MICU3: variants seen among roughly 807,000 people sequenced by gnomAD.
MICU3 encodes the protein calcium uptake protein 3, mitochondrial.
MICU3 carries 62 observed loss-of-function variants against 66.5 expected under a neutral mutation model. That is an observed-to-expected ratio of 0.93 (90% CI 0.76 to 1.15). The LOEUF (loss-of-function observed/expected upper bound fraction) is 1.15, where lower values mean the gene tolerates loss of function less well. Ranked by LOEUF, MICU3 falls within the 50% of genes most tolerant of loss-of-function variation. The pLI, the probability that MICU3 is intolerant of heterozygous loss-of-function variation, is 0.00. For missense variants in MICU3, 779 were observed against 664.4 expected, an observed-to-expected ratio of 1.17 and a Z score of -1.90; for synonymous variants, 308 against 240.7, an observed-to-expected ratio of 1.28 and a Z score of -2.59.
intron 8 of MICU3, among the ~76,000 whole-genome samples, chr8:17,096,430 C>T (rs1305740677): frequency 1.3e-5 from 2 of 151,804 alleles, no homozygotes; most frequent in African/African-American, 4.8e-5. Context: ...GTGCTCTTAA[C>T]TTCATCGTTC....
intron 1 of MICU3, among the ~76,000 whole-genome samples, chr8:17,054,883 C>T (rs946063828): frequency 5.3e-5 from 8 of 151,726 alleles, no homozygotes; most frequent in East Asian, 2.0e-4. Flanking sequence ...GGATTACAGG[C>T]GCCCGCCACC....
At chr8:17,137,765 G>A in the MICU3 span, among the ~76,000 whole-genome samples, 2 of 142,902 alleles carry the variant, frequency 1.4e-5, no homozygotes, top group Non-Finnish European at 3.0e-5. Context: ...TCGCCAGGCT[G>A]GAATGCAGTG....
At chr8:17,102,758 T>C (rs895336653) in intron 9 of MICU3, 4 of 151,892 alleles carry the variant, frequency 2.6e-5, no homozygotes, top group African/African-American at 7.2e-5. Context: ...CCTGGCTGTA[T>C]TTTTTTTCCT....
chr8:17,075,675 T>C (rs1820280379), intron 3 of MICU3, among the ~76,000 whole-genome samples: 1 of 152,212 alleles, frequency 6.6e-6, no homozygotes, highest in Non-Finnish European at 1.5e-5. Flanking sequence ...AACTAGATTA[T>C]TACTAAAATA....
At chr8:17,105,240 A>G (rs1256749602) in intron 10 of MICU3, among the ~76,000 whole-genome samples, 173 bp from the exon 11 acceptor site, 1 of 151,940 alleles carries the variant, frequency 6.6e-6, no homozygotes, top group Non-Finnish European at 1.5e-5. Context: ...TTAAGTAGTA[A>G]AGCGATCGTG....
chr8:17,109,555 G>T (rs1004010172), intron 11 of MICU3, among the ~76,000 whole-genome samples: 2 of 152,090 alleles, frequency 1.3e-5, no homozygotes, highest in East Asian at 3.9e-4. Flanking sequence ...TACTAAGTGT[G>T]AAAAGGGCAT....
Position 17,027,273 on chromosome 8 carries a change from C to G in MICU3, c.-7C>G, listed in dbSNP as rs1469216654. On this transcript the variant is annotated 5_prime_UTR_variant, in exon 1 of 15. Coordinates refer to ENST00000318063, the MANE Select transcript of MICU3 (RefSeq NM_181723.3). Reference sequence around the variant, plus strand: ...CCCTCCCAGCTCTGGTGTGGGCGGCCTCCGCTATGGCTGCGCTGCGAAGGC... The same window carrying G: ...CCCTCCCAGCTCTGGTGTGGGCGGCGTCCGCTATGGCTGCGCTGCGAAGGC... 2 of 1,189,124 alleles carry G rather than the reference C, an allele frequency of 1.7e-6. No homozygotes were observed. Among genetic ancestry groups the G allele is most frequent in the Non-Finnish European group, 2.1e-6 (2 of 948,524 alleles). The allele number at this position is 1,189,124 out of a possible 1,614,324, so 73.7% of individuals were successfully genotyped here.
At chr8:17,106,736 T>C (rs1306363912) in intron 11 of MICU3, among the ~76,000 whole-genome samples, 1 of 151,506 alleles carries the variant, frequency 6.6e-6, no homozygotes, top group Non-Finnish European at 1.5e-5. Flanking sequence ...TCTCATTGAT[T>C]TTTTTTTTCT....
At chr8:17,126,143 G>A (rs1803400596), downstream of MICU3, among the ~76,000 whole-genome samples, 1 of 149,904 alleles carries the variant, frequency 6.7e-6, no homozygotes, top group Non-Finnish European at 1.5e-5. Context: ...GGAGGAGCCT[G>A]TAATGTAAAT....
chr8:17,108,415 G>A (rs139773163), intron 11 of MICU3, among the ~76,000 whole-genome samples: 368 of 152,252 alleles, frequency 2.4e-3, no homozygotes, highest in African/African-American at 8.5e-3. Flanking sequence ...TGAAGATCCA[G>A]TAGATGTCTT....
intron 11 of MICU3, among the ~76,000 whole-genome samples, chr8:17,110,748 G>C (rs900490182): frequency 2.0e-5 from 3 of 151,344 alleles, no homozygotes; most frequent in Non-Finnish European, 4.4e-5. Context: ...GGGAGGGGGG[G>C]GTAGAGACAG....
At chr8:17,113,221 C>A (rs778412451) in intron 11 of MICU3, among the ~76,000 whole-genome samples, 2 of 152,184 alleles carry the variant, frequency 1.3e-5, no homozygotes, top group Non-Finnish European at 2.9e-5. Context: ...CCCTTCCTCT[C>A]ACCCTTGTAT....
intron 13 of MICU3, among the ~76,000 whole-genome samples, chr8:17,117,374 A>C (rs577277329): frequency 3.4e-4 from 51 of 152,200 alleles, no homozygotes; most frequent in Non-Finnish European, 5.7e-4. Flanking sequence ...AAAATAAGTT[A>C]AAAATTTTTT....
intron 1 of MICU3, among the ~76,000 whole-genome samples, chr8:17,039,646 T>C (rs1331340311): frequency 6.6e-6 from 1 of 152,140 alleles, no homozygotes; most frequent in Non-Finnish European, 1.5e-5. Context: ...GGCTGGACTA[T>C]TTTATAAGTG....
At chr8:17,094,307 A>G (rs967156586) in intron 8 of MICU3, among the ~76,000 whole-genome samples, 2 of 152,052 alleles carry the variant, frequency 1.3e-5, no homozygotes, top group African/African-American at 4.8e-5. Context: ...GTCGAAAGTT[A>G]TTGAGGATCC....
chr8:17,092,497 C>T (rs984011320), intron 8 of MICU3, among the ~76,000 whole-genome samples: 1 of 151,678 alleles, frequency 6.6e-6, no homozygotes, highest in Non-Finnish European at 1.5e-5. Context: ...AATATTTTTT[C>T]TTTATTTCAT....
chr8:17,084,018 T>G (rs1821580445), intron 5 of MICU3, among the ~76,000 whole-genome samples: 1 of 152,058 alleles, frequency 6.6e-6, no homozygotes, highest in Non-Finnish European at 1.5e-5. Flanking sequence ...CTGTGAAGCT[T>G]CCTTTGGAGT....
chr8:17,096,579 A>G (rs891252727), intron 8 of MICU3, among the ~76,000 whole-genome samples: 1 of 151,800 alleles, frequency 6.6e-6, no homozygotes, highest in Non-Finnish European at 1.5e-5. Context: ...TTCTGCCCTC[A>G]GAAACTTTAT....
In MICU3 at chr8:17,114,308, T is replaced by G; in HGVS notation, c.1366+107T>G. 4.5e-6 allele frequency: 3 copies of G among 661,952 alleles called. No homozygotes were observed. The South Asian group carries it at 6.4e-5, about 14-fold the overall frequency. The allele number at this position is 661,952 out of a possible 1,614,324, so 41.0% of individuals were successfully genotyped here. On this transcript the variant is annotated intron_variant, in intron 12 of 14. Transcript: ENST00000318063. Reference sequence around the variant, plus strand: ...ATGACATATCACCCATCAACTTGTGTGAAAGTCCGGTGTATACTTTCAGTG... The same window carrying G: ...ATGACATATCACCCATCAACTTGTGGGAAAGTCCGGTGTATACTTTCAGTG...
Sources: allele counts gnomAD v4.1 joint callset (sites outside exome capture counted in the v4.1 genomes callset), GRCh38; gene constraint gnomAD v4.1.1; transcripts MANE v1.5; gene names NCBI Gene and HGNC (gene_info 2026-07-23, HGNC 2026-07-21).